Variants in MICALL2 observed in about 807,000 individuals in gnomAD.
MICALL2 encodes MICAL like 2.
MICALL2 carries 111 observed loss-of-function variants against 91.1 expected under a neutral mutation model. The observed-to-expected ratio is 1.22, with a 90% confidence interval of 1.04 to 1.43. MICALL2 has a LOEUF of 1.43. MICALL2 is among the 40% of genes most tolerant of loss of function. The pLI is 0.00. For synonymous variants in MICALL2, 694 were observed against 525.3 expected, an observed-to-expected ratio of 1.32 and a Z score of -4.39; for missense variants, 1,556 against 1,236.0, an observed-to-expected ratio of 1.26 and a Z score of -3.88.
At chr7:1,437,099 G>A (rs1365388700) in intron 14 of MICALL2, 7 of 492,616 alleles carry the variant, frequency 1.4e-5, no homozygotes, top group Non-Finnish European at 2.5e-5. Flanking sequence ...GCAGAGATAT[G>A]GACACTGAGG....
chr7:1,449,737 G>A (rs916561405), intron 2 of MICALL2, among the ~76,000 whole-genome samples: 3 of 152,252 alleles, frequency 2.0e-5, no homozygotes, highest in South Asian at 2.1e-4. Context: ...CTCTGCCCAC[G>A]AGGGAGCGTG....
chr7:1,439,199 G>A lies in MICALL2; in HGVS notation c.1967-204C>T, dbSNP rs376988913. ...ATGTCTCCCCAGGGGGCTAACCCAC[G>A]GGGCTGCTGGCTGCTCAAGGTCACA... On this transcript the variant is annotated intron_variant, in intron 9 of 16. Transcript: ENST00000297508. The A allele has an allele frequency of 2.5e-4, 137 of 548,508 alleles. 1 individual carries two copies. The East Asian group carries it at 3.0e-3, about 12-fold the overall frequency. The allele number at this position is 548,508 out of a possible 1,614,324, so 34.0% of individuals were successfully genotyped here. A position where few individuals can be genotyped will look rare whatever the true frequency, so the allele number is the denominator to read the frequency against.
chr7:1,446,630 C>A (rs747002885), intron 5 of MICALL2, 83 bp downstream of exon 5: 3 of 960,390 alleles, frequency 3.1e-6, no homozygotes, highest in Non-Finnish European at 4.8e-6. Flanking sequence ...GAGGAGGAGG[C>A]CGGGTGGGAG....
intron 2 of MICALL2, among the ~76,000 whole-genome samples, chr7:1,449,660 C>T (rs1316140975): frequency 3.3e-5 from 5 of 152,394 alleles, no homozygotes; most frequent in African/African-American, 9.6e-5. Flanking sequence ...GGGGCAGGGA[C>T]GTGGCCGGGG....
In MICALL2 at chr7:1,447,597, G is replaced by T. The variant is rs941827941; in HGVS notation, c.503C>A (p.Ala168Glu). 1 of 1,583,624 alleles carries T rather than the reference G, an allele frequency of 6.3e-7. No homozygotes were observed. The highest frequency in any genetic ancestry group is 1.2e-5 in the South Asian group (1 of 86,438). The change falls in exon 4 of 17, where the codon GCA (alanine) becomes GAA (glutamate). Residue 168 changes from alanine (A) to glutamate (E), a missense_variant. Ala to Glu is a moderately radical substitution (Grantham distance 107, BLOSUM62 -1). Coordinates refer to ENST00000297508, the MANE Select transcript of MICALL2 (RefSeq NM_182924.4). ...NPVVQRRNEG[A>E]GGPPPKTDQA... ...TACAGTCTTGGGGGGCGGGCCCCCT[G>T]CACCCTCATTCCTCCTCTGGACCAC... is the stretch of plus-strand genomic sequence containing the variant.
At chr7:1,440,121 C>T in intron 8 of MICALL2, 36 bp from the exon 9 acceptor site, 9 of 1,556,410 alleles carry the variant, frequency 5.8e-6, no homozygotes, top group Non-Finnish European at 7.7e-6. Context: ...CCCGAACCAC[C>T]AGCCCCAGGG....
intron 5 of MICALL2, among the ~76,000 whole-genome samples, chr7:1,445,822 C>T (rs1047534637): frequency 1.1e-3 from 161 of 152,182 alleles, no homozygotes; most frequent in African/African-American, 3.8e-3. Flanking sequence ...CTGGGAGGAC[C>T]GGCCCACCCC....
rs777601229 is a variant in MICALL2, at chr7:1,446,771, C to T, written c.583G>A (p.Val195Met). 24 of 1,608,232 alleles carry T rather than the reference C, an allele frequency of 1.5e-5. No homozygotes were observed. The highest frequency in any genetic ancestry group is 4.0e-5 in the African/African-American group (3 of 74,746). Residue 195 changes from valine to methionine, a missense_variant, in exon 5 of 17, where the codon GTG becomes ATG. Transcript: ENST00000297508. ...SSTCGVCGKH[V>M]HLVQRHLADG... ...GCCAGGTGCCGCTGTACCAGGTGCACGTGCTTGCCGCAGACCCCGCAGGTG... is the reference window on the plus strand; with the variant it reads ...GCCAGGTGCCGCTGTACCAGGTGCATGTGCTTGCCGCAGACCCCGCAGGTG...
chr7:1,446,608 A>ACGAGGAG, intron 5 of MICALL2, 105 bp downstream of exon 5: 1 of 593,396 alleles, frequency 1.7e-6, no homozygotes, highest in Admixed American at 2.4e-5. Context: ...GGGGAGAGGA[A>ACGAGGAG]CGAGGAGCGG....
At position 1,443,804 on chromosome 7, in the gene MICALL2, T is replaced by G. The variant is rs980140381; in HGVS notation, c.1418+848A>C. ...TTCCCCCGCCTCAAGGTCAGACTTCTGGCCTGCAGAGCTGTGAGGGGGTGG... is the reference window on the plus strand; with the variant it reads ...TTCCCCCGCCTCAAGGTCAGACTTCGGGCCTGCAGAGCTGTGAGGGGGTGG... On this transcript the variant is annotated intron_variant, in intron 6 of 16. Transcript: ENST00000297508. Among the ~76,000 whole-genome samples the G allele has an allele frequency of 4.6e-5, 7 of 152,322 alleles. No individual in the cohort carries two copies. In the South Asian group the frequency reaches 1.4e-3, roughly 32 times the overall value.
chr7:1,440,451 G>A, intron 8 of MICALL2, 140 bp downstream of exon 8: 1 of 769,962 alleles, frequency 1.3e-6, no homozygotes, highest in South Asian at 1.6e-5. Context: ...CCCTCAGGCA[G>A]GGGTGACCTG....
At position 1,446,730 on chromosome 7, in the gene MICALL2, G is replaced by A. The variant is rs1400351827; in HGVS notation, c.624C>T (p.Tyr208=). The part of the protein sequence containing the change: ...VQRHLADGRL[Y]HRSCFRCKQC... The stretch of plus-strand genomic sequence containing the variant: ...AGCCCCACCTGAAGCAGCTCCGGTG[G>A]TAAAGCCTCCCGTCGGCCAGGTGCC... Residue 208 remains tyrosine, a synonymous_variant, in exon 5 of 17, where the codon TAC becomes TAT. Transcript: ENST00000297508. 1.9e-6 allele frequency: 3 copies of A among 1,603,374 alleles called. No homozygotes were observed. The highest frequency in any genetic ancestry group is 2.2e-5 in the East Asian group (1 of 44,526).
intron 8 of MICALL2, chr7:1,440,379 G>A (rs1442508682): frequency 3.2e-6 from 2 of 630,650 alleles, no homozygotes; most frequent in East Asian, 2.8e-5. Flanking sequence ...CCACACGGGT[G>A]CTGCCATGCC....
At chr7:1,446,946 G>A in intron 4 of MICALL2, 118 bp from the exon 5 acceptor site, 1 of 720,572 alleles carries the variant, frequency 1.4e-6, no homozygotes, top group Non-Finnish European at 2.2e-6. Context: ...CAGGAGAGGA[G>A]CCGCCAGCAG....
chr7:1,436,755 C>T lies in MICALL2; in HGVS notation c.2578G>A (p.Glu860Lys), dbSNP rs762720847. The change falls in exon 15 of 17, where the codon GAG becomes AAG. Residue 860 changes from glutamate (E) to lysine (K), a missense_variant. Physicochemically the swap from Glu to Lys is moderately conservative, Grantham distance 56 (BLOSUM62 1). Coordinates refer to ENST00000297508, the MANE Select transcript of MICALL2 (RefSeq NM_182924.4). ...DRSDIVDSLDEDRLREQEEDQ... is the reference protein window; with the variant it reads ...DRSDIVDSLDKDRLREQEEDQ... ...CCTGCCCCTCACCGGAGCCGGTCCTCGTCCAGCGAGTCCACGATGTCACTG... is the reference window on the plus strand; with the variant it reads ...CCTGCCCCTCACCGGAGCCGGTCCTTGTCCAGCGAGTCCACGATGTCACTG... 1.7e-5 allele frequency: 28 copies of T among 1,606,806 alleles called. No homozygotes were observed. The highest frequency in any genetic ancestry group is 1.7e-4 in the Middle Eastern group (1 of 5,932).
At chr7:1,435,847 C>G (rs146461504) in intron 15 of MICALL2, among the ~76,000 whole-genome samples, 4,480 of 151,438 alleles carry the variant, frequency 0.03, 61 homozygotes, top group Middle Eastern at 0.065. Flanking sequence ...GAGGTCAGAT[C>G]GAGACCATCC....
intron 1 of MICALL2, among the ~76,000 whole-genome samples, chr7:1,455,288 G>T (rs1218410592): frequency 6.6e-6 from 1 of 152,224 alleles, no homozygotes; most frequent in Non-Finnish European, 1.5e-5. Flanking sequence ...GAGGTGAGGC[G>T]GGAGGTGGGG....
intron 1 of MICALL2, among the ~76,000 whole-genome samples, chr7:1,457,728 C>T (rs1165479825): frequency 6.6e-6 from 1 of 152,278 alleles, no homozygotes; most frequent in Non-Finnish European, 1.5e-5. Context: ...TCCGGCGACA[C>T]CAGTGATCCA....
chr7:1,443,840 T>C (rs1262576673), intron 6 of MICALL2, among the ~76,000 whole-genome samples: 2 of 152,190 alleles, frequency 1.3e-5, no homozygotes, highest in African/African-American at 4.8e-5. Flanking sequence ...ATTTCTACTG[T>C]GTAAGCCGCC....
Sources: gnomAD v4.1 joint callset for allele counts (sites outside exome capture counted in the v4.1 genomes callset) on GRCh38, gnomAD v4.1.1 for gene constraint, MANE v1.5 for transcripts, NCBI Gene and HGNC (gene_info 2026-07-23, HGNC 2026-07-21) for gene names.